AUH: variants seen among roughly 807,000 people sequenced by gnomAD.
AUH encodes AU RNA binding methylglutaconyl-CoA hydratase, also known as methylglutaconyl-CoA hydratase, mitochondrial.
In AUH, 29 loss-of-function variants were observed where a neutral mutation model predicts 42.3. The ratio of observed to expected loss-of-function variants is 0.69; its 90% CI spans 0.51 to 0.93. AUH has a LOEUF of 0.93. Among genes scored for constraint, AUH ranks in the 40% least tolerant of loss-of-function variants. The pLI is 0.00. For synonymous variants in AUH, 174 were observed against 166.4 expected (o/e 1.05, Z -0.35); for missense variants, 452 against 438.1 (o/e 1.03, Z -0.28).
intron 6 of AUH, among the ~76,000 whole-genome samples, chr9:91,266,519 C>T (rs1225651635): frequency 6.6e-6 from 1 of 152,150 alleles, no homozygotes. Context: ...TAATTTGTGG[C>T]CTCTACAATA....
intron 6 of AUH, among the ~76,000 whole-genome samples, chr9:91,274,137 G>A (rs773170903): frequency 2.3e-4 from 35 of 152,082 alleles, no homozygotes; most frequent in Admixed American, 6.6e-4. Flanking sequence ...AAAGCATACT[G>A]ATTATTAGCA....
intron 6 of AUH, among the ~76,000 whole-genome samples, chr9:91,289,702 A>T (rs915029980): frequency 6.6e-6 from 1 of 152,256 alleles, no homozygotes; most frequent in Non-Finnish European, 1.5e-5. Flanking sequence ...TGAAAAAAGC[A>T]GTCTTTTCAT....
At chr9:91,234,931 T>A (rs925584258) in intron 6 of AUH, among the ~76,000 whole-genome samples, 3 of 150,498 alleles carry the variant, frequency 2.0e-5, no homozygotes, top group African/African-American at 7.4e-5. Flanking sequence ...TAACCAGACA[T>A]CCAAATGAAG....
intron 3 of AUH, among the ~76,000 whole-genome samples, chr9:91,342,507 A>T (rs1587900265): frequency 6.6e-6 from 1 of 152,314 alleles, no homozygotes; most frequent in Admixed American, 6.5e-5. Context: ...TAGCAGAGTG[A>T]TGTGATCCAT....
chr9:91,280,077 C>G (rs73651409), intron 6 of AUH, among the ~76,000 whole-genome samples: 6,324 of 152,196 alleles, frequency 0.042, 407 homozygotes, highest in African/African-American at 0.14. Flanking sequence ...ATTACAGGCA[C>G]TAGAGGTTCA....
intron 6 of AUH, among the ~76,000 whole-genome samples, chr9:91,256,012 A>C (rs1054255334): frequency 6.6e-6 from 1 of 151,642 alleles, no homozygotes; most frequent in Non-Finnish European, 1.5e-5. Flanking sequence ...ATTAAATTTA[A>C]ATAATGTCAT....
In AUH at chr9:91,220,907, T is replaced by A; in HGVS notation, c.741A>T (p.Glu247Asp). 1 of 1,614,256 alleles carries A rather than the reference T, an allele frequency of 6.2e-7. No homozygotes were observed. The highest frequency in any genetic ancestry group is 1.3e-5 in the African/African-American group (1 of 75,076). Residue 247 changes from glutamate to aspartate, a missense_variant, in exon 7 of 10, where the codon GAA (glutamate) becomes GAT (aspartate). Coordinates refer to ENST00000375731, the MANE Select transcript of AUH (RefSeq NM_001698.3). ...GGCTGATTAAGCCCACTGCTTTGGC[T>A]TCTTTGCCATCGAGGACTCGCGCAG... ...IFSARVLDGK[E>D]AKAVGLISHV...
rs10991875 is a variant in AUH at position 91,301,394 on chromosome 9, A to T, written c.506-3318T>A. The stretch of plus-strand genomic sequence containing the variant: ...AGTTTATACTTTTTGGAATTAATAA[A>T]AACTATTTTTAAGTCTAATAGGAAT... On this transcript the variant is annotated intron_variant, in intron 4 of 9. Transcript: ENST00000375731. Among the ~76,000 whole-genome samples, 940 of 152,348 alleles carry T rather than the reference A, an allele frequency of 6.2e-3. 5 individuals carry two copies. Among genetic ancestry groups the T allele is most frequent in the Non-Finnish European group, 0.011 (721 of 68,036 alleles).
At chr9:91,307,788 G>A (rs1409838425) in intron 4 of AUH, among the ~76,000 whole-genome samples, 1 of 152,106 alleles carries the variant, frequency 6.6e-6, no homozygotes. Flanking sequence ...ACAGGGTTTG[G>A]TATCATCTGT....
intron 6 of AUH, among the ~76,000 whole-genome samples, chr9:91,287,318 A>ATGATTAAATACAAATTTATACAC (rs1826497105): frequency 6.6e-6 from 1 of 152,180 alleles, no homozygotes; most frequent in Admixed American, 6.6e-5. Flanking sequence ...AATTGTCAAG[A>ATGATTAAATACAAATTTATACAC]TGATTAAATA....
intron 4 of AUH, among the ~76,000 whole-genome samples, chr9:91,318,569 C>T (rs898809105): frequency 6.6e-6 from 1 of 152,200 alleles, no homozygotes; most frequent in African/African-American, 2.4e-5. Flanking sequence ...AATCCTGATG[C>T]AAACCAGGCA....
intron 6 of AUH, among the ~76,000 whole-genome samples, chr9:91,252,048 C>T (rs1359566529): frequency 6.6e-6 from 1 of 152,044 alleles, no homozygotes; most frequent in Non-Finnish European, 1.5e-5. Context: ...CTCACTGCAA[C>T]CTCCACCTCC....
chr9:91,278,363 C>T (rs992247157), intron 6 of AUH, among the ~76,000 whole-genome samples: 1 of 152,162 alleles, frequency 6.6e-6, no homozygotes, highest in Non-Finnish European at 1.5e-5. Flanking sequence ...AGAAAAGAAA[C>T]CTGAACACTG....
intron 3 of AUH, among the ~76,000 whole-genome samples, chr9:91,330,572 C>T (rs903127374): frequency 1.3e-5 from 2 of 152,152 alleles, no homozygotes; most frequent in Non-Finnish European, 2.9e-5. Context: ...AAAGCAATTC[C>T]ACTCCAAATA....
intron 4 of AUH, among the ~76,000 whole-genome samples, chr9:91,303,714 T>C (rs926550959): frequency 6.6e-6 from 1 of 152,376 alleles, no homozygotes; most frequent in African/African-American, 2.4e-5. Flanking sequence ...AAAGGCCCTA[T>C]GTAGCATTAT....
intron 6 of AUH, among the ~76,000 whole-genome samples, chr9:91,249,203 G>A (rs577263352): frequency 2.7e-5 from 4 of 149,674 alleles, no homozygotes; most frequent in South Asian, 2.1e-4. Flanking sequence ...GGGCTAAGGT[G>A]GGGGGATCAC....
intron 9 of AUH, among the ~76,000 whole-genome samples, chr9:91,214,726 T>TC (rs1826725135): frequency 6.6e-6 from 1 of 152,242 alleles, no homozygotes; most frequent in South Asian, 2.1e-4. Context: ...TTTCAGTATA[T>TC]CCCACAAACT....
In AUH at chr9:91,290,080, T is replaced by G. The variant is rs1363704424; in HGVS notation, c.655+5941A>C. 5.3e-5 allele frequency among the ~76,000 whole-genome samples: 8 copies of G among 152,304 alleles called. No individual in the cohort carries two copies. In the South Asian group the frequency reaches 1.7e-3, roughly 32 times the overall value. ...ATGAGCTATGAACTTGAAAGCTTCA[T>G]GGTATTAAAAGAGGAACTAAAATAC... is the stretch of plus-strand genomic sequence containing the variant. On this transcript the variant is annotated intron_variant, in intron 6 of 9. Transcript: ENST00000375731.
At chr9:91,240,726 G>A (rs527476119) in intron 6 of AUH, among the ~76,000 whole-genome samples, 1 of 151,498 alleles carries the variant, frequency 6.6e-6, no homozygotes, top group African/African-American at 2.4e-5. Context: ...AATACTAGAT[G>A]GCACAGGTCT....
Sources: gnomAD v4.1 joint callset for allele counts (sites outside exome capture counted in the v4.1 genomes callset) on GRCh38, gnomAD v4.1.1 for gene constraint, MANE v1.5 for transcripts, NCBI Gene and HGNC (gene_info 2026-07-23, HGNC 2026-07-21) for gene names.